The following ACTR3C variants were observed in gnomAD, a reference collection of about 807,000 sequenced individuals.
The protein encoded by ACTR3C is actin related protein 3C.
ACTR3C carries 18 observed loss-of-function variants against 26.3 expected under a neutral mutation model. That is an observed-to-expected ratio of 0.68 (90% CI 0.47 to 1.01). The LOEUF (loss-of-function observed/expected upper bound fraction) is 1.01, where lower values mean the gene tolerates loss of function less well. Ranked by LOEUF, ACTR3C falls within the 50% of genes least tolerant of loss-of-function variation. The pLI, the probability that ACTR3C is intolerant of heterozygous loss-of-function variation, is 0.00. For missense variants in ACTR3C, 184 were observed against 250.7 expected (o/e 0.73, Z 1.80); for synonymous variants, 55 against 94.5 (o/e 0.58, Z 2.42).
At chr7:150,126,865 C>G in the ACTR3C span, among the ~76,000 whole-genome samples, 6 of 152,106 alleles carry the variant, frequency 3.9e-5, no homozygotes, top group Admixed American at 3.3e-4. Flanking sequence ...TCGGGTAAAA[C>G]TTTTTAAATT....
intron 4 of ACTR3C, among the ~76,000 whole-genome samples, chr7:150,286,928 G>A (rs71537936): frequency 0.18 from 27,232 of 151,380 alleles, 3,260 homozygotes; most frequent in African/African-American, 0.33. Flanking sequence ...CAGTGGACCC[G>A]TGCTGCGAGC....
the ACTR3C span, among the ~76,000 whole-genome samples, chr7:150,077,104 G>T: frequency 1.3e-5 from 2 of 152,164 alleles, no homozygotes; most frequent in Non-Finnish European, 2.9e-5. Flanking sequence ...GGCGGAGGTT[G>T]CAATGAGCTG....
At chr7:150,057,575 C>T in the ACTR3C span, among the ~76,000 whole-genome samples, 5 of 152,082 alleles carry the variant, frequency 3.3e-5, no homozygotes, top group Admixed American at 1.3e-4. Flanking sequence ...CATGAGCCAC[C>T]GTGCCCAGCC....
the ACTR3C span, among the ~76,000 whole-genome samples, chr7:150,039,873 C>A: frequency 3.2e-5 from 4 of 125,806 alleles, no homozygotes; most frequent in Non-Finnish European, 7.1e-5. Flanking sequence ...GGAAGAGGGG[C>A]TCGCTCTCAG....
the ACTR3C span, among the ~76,000 whole-genome samples, chr7:150,036,487 G>A: frequency 6.9e-6 from 1 of 145,890 alleles, no homozygotes; most frequent in Non-Finnish European, 1.6e-5. Context: ...GGGGCTGCCA[G>A]AAGATTTTCT....
the ACTR3C span, among the ~76,000 whole-genome samples, chr7:149,942,179 C>A: frequency 6.6e-6 from 1 of 152,112 alleles, no homozygotes; most frequent in Non-Finnish European, 1.5e-5. Flanking sequence ...GAGTAAAGTT[C>A]TTTTAAAAAG....
the ACTR3C span, among the ~76,000 whole-genome samples, chr7:149,918,808 C>G: frequency 1.3e-5 from 2 of 152,318 alleles, no homozygotes; most frequent in African/African-American, 4.8e-5. Context: ...TCGTGCCTGA[C>G]TTTAGAGATA....
the ACTR3C span, among the ~76,000 whole-genome samples, chr7:149,945,657 T>A: frequency 6.6e-6 from 1 of 151,964 alleles, no homozygotes; most frequent in Admixed American, 6.5e-5. Context: ...GGGGCAAGCA[T>A]CCTGGGGCGG....
the ACTR3C span, among the ~76,000 whole-genome samples, chr7:150,237,191 T>C: frequency 1.3e-5 from 2 of 152,216 alleles, no homozygotes; most frequent in Admixed American, 6.5e-5. Context: ...TGGACCTCCA[T>C]TGACATTGCC....
the ACTR3C span, among the ~76,000 whole-genome samples, chr7:149,928,387 T>G: frequency 6.9e-6 from 1 of 145,284 alleles, no homozygotes; most frequent in East Asian, 2.0e-4. Context: ...ATTTCTTTTT[T>G]TTTTTTTTTT....
the ACTR3C span, among the ~76,000 whole-genome samples, chr7:150,125,080 G>A: frequency 6.6e-6 from 1 of 152,002 alleles, no homozygotes; most frequent in Non-Finnish European, 1.5e-5. Flanking sequence ...TTTTCTTGAA[G>A]GCTTTGCAAT....
the ACTR3C span, among the ~76,000 whole-genome samples, chr7:149,954,434 T>G: frequency 2.0e-5 from 3 of 152,336 alleles, no homozygotes; most frequent in South Asian, 6.2e-4. Context: ...CACATTCCAC[T>G]TCTGCACATA....
the ACTR3C span, among the ~76,000 whole-genome samples, chr7:149,908,643 C>A: frequency 1.3e-5 from 2 of 152,190 alleles, no homozygotes; most frequent in Admixed American, 6.5e-5. Context: ...TAAAAACTTA[C>A]AATTTCTAAA....
At chr7:149,974,752 G>A in the ACTR3C span, among the ~76,000 whole-genome samples, 2 of 151,210 alleles carry the variant, frequency 1.3e-5, no homozygotes, top group Admixed American at 6.6e-5. Flanking sequence ...TCCTTCCTTA[G>A]CTTTACATGC....
chr7:150,297,607 T>C (rs1319483348), intron 1 of ACTR3C, among the ~76,000 whole-genome samples: 1 of 152,240 alleles, frequency 6.6e-6, no homozygotes, highest in African/African-American at 2.4e-5. Flanking sequence ...ATCCCAGCAC[T>C]TTGGGAGGCC....
the ACTR3C span, among the ~76,000 whole-genome samples, chr7:150,036,849 G>A: frequency 1.6e-5 from 2 of 123,388 alleles, no homozygotes; most frequent in East Asian, 4.1e-4. Flanking sequence ...AGCAACGATG[G>A]GGGGTCCTAA....
At chr7:150,085,040 T>C in the ACTR3C span, among the ~76,000 whole-genome samples, 22 of 152,164 alleles carry the variant, frequency 1.4e-4, no homozygotes, top group Non-Finnish European at 1.5e-4. Context: ...CCAGGGCTTG[T>C]GGCTTGACCA....
At chr7:150,184,495 A>G in the ACTR3C span, among the ~76,000 whole-genome samples, 1 of 150,692 alleles carries the variant, frequency 6.6e-6, no homozygotes, top group Admixed American at 6.5e-5. Flanking sequence ...GGAGAGATGC[A>G]TAGGGCCAGA....
the ACTR3C span, among the ~76,000 whole-genome samples, chr7:149,908,823 T>C: frequency 2.0e-5 from 3 of 151,120 alleles, no homozygotes; most frequent in African/African-American, 7.3e-5. Flanking sequence ...CTCTTGTCAC[T>C]CAGGCTGGAG....
Sources: allele counts gnomAD v4.1 joint callset (sites outside exome capture counted in the v4.1 genomes callset), GRCh38; gene constraint gnomAD v4.1.1; transcripts MANE v1.5; gene names NCBI Gene and HGNC (gene_info 2026-07-23, HGNC 2026-07-21).